Variants in CPE observed in about 807,000 individuals in gnomAD.
CPE encodes the protein carboxypeptidase E, also known as carbocypeptidase E.
Under a neutral mutation model 53.5 loss-of-function variants are expected in CPE, and 17 were observed. The observed-to-expected ratio is 0.32, with a 90% confidence interval of 0.22 to 0.48. The LOEUF (loss-of-function observed/expected upper bound fraction) is 0.48, where lower values mean the gene tolerates loss of function less well. Among genes scored for constraint, CPE ranks in the 20% least tolerant of loss-of-function variants. The pLI, the probability that CPE is intolerant of heterozygous loss-of-function variation, is 0.99. For missense variants in CPE, 524 were observed against 614.7 expected (o/e 0.85, Z 1.56); for synonymous variants, 226 against 228.8 (o/e 0.99, Z 0.11).
At chr4:165,451,207 G>T (rs574106724) in intron 1 of CPE, among the ~76,000 whole-genome samples, 40 of 152,304 alleles carry the variant, frequency 2.6e-4, no homozygotes, top group African/African-American at 8.4e-4. Flanking sequence ...CGATGTTATT[G>T]TCTATATTCC....
At chr4:165,475,145 A>G (rs1433115874) in intron 3 of CPE, among the ~76,000 whole-genome samples, 1 of 152,218 alleles carries the variant, frequency 6.6e-6, no homozygotes, top group Non-Finnish European at 1.5e-5. Flanking sequence ...AGAACTCACA[A>G]GTGGCAAAGG....
rs554021167 is a variant in CPE at position 165,379,040 on chromosome 4, C to A, written c.-182C>A. On this transcript the variant is annotated 5_prime_UTR_variant, in exon 1 of 9. Coordinates refer to ENST00000402744, the MANE Select transcript of CPE (RefSeq NM_001873.4). This position sits in a 1 kb window ranked among gnomAD's most constrained non-coding sequence, Gnocchi z 6.0. ...CAGCCCGTGGAGCCGCGGCTTTGCC[C>A]GTCTCCTCTGGGTGGCCCCAGTGCG... The A allele has an allele frequency of 2.2e-6, 1 of 459,104 alleles. No individual in the cohort carries two copies. Among genetic ancestry groups the A allele is most frequent in the Non-Finnish European group, 3.4e-6 (1 of 295,894 alleles). The allele number at this position is 459,104 out of a possible 1,614,324, so 28.4% of individuals were successfully genotyped here. A position where few individuals can be genotyped will look rare whatever the true frequency, so the allele number is the denominator to read the frequency against.
intron 1 of CPE, among the ~76,000 whole-genome samples, chr4:165,453,775 C>G (rs778291627): frequency 6.6e-6 from 1 of 152,160 alleles, no homozygotes; most frequent in Non-Finnish European, 1.5e-5. Flanking sequence ...CAAAGCAGCC[C>G]AGTCCTCCCA....
At chr4:165,447,952 T>G (rs1731746008) in intron 1 of CPE, among the ~76,000 whole-genome samples, 2 of 152,202 alleles carry the variant, frequency 1.3e-5, no homozygotes, top group South Asian at 4.1e-4. Flanking sequence ...TGCAGTCATA[T>G]GTGGGGTTAA....
intron 3 of CPE, among the ~76,000 whole-genome samples, chr4:165,479,291 G>C (rs1732359626): frequency 6.6e-6 from 1 of 152,080 alleles, no homozygotes; most frequent in Non-Finnish European, 1.5e-5. Flanking sequence ...AATATAATAA[G>C]AGTGTATTTC....
chr4:165,398,438 A>G (rs895744546), intron 1 of CPE, among the ~76,000 whole-genome samples: 4 of 152,190 alleles, frequency 2.6e-5, no homozygotes, highest in Non-Finnish European at 4.4e-5. Context: ...ATATATACAA[A>G]TGTGCATGTG....
At chr4:165,424,784 T>A (rs1303214451) in intron 1 of CPE, among the ~76,000 whole-genome samples, 1 of 152,148 alleles carries the variant, frequency 6.6e-6, no homozygotes, top group Non-Finnish European at 1.5e-5. Flanking sequence ...TCCACCTGCC[T>A]CGGCCTCCCA....
At chr4:165,445,163 CT>C (rs1731684385) in intron 1 of CPE, among the ~76,000 whole-genome samples, 1 of 152,148 alleles carries the variant, frequency 6.6e-6, no homozygotes, top group Non-Finnish European at 1.5e-5. Flanking sequence ...GCCCTGTTGG[CT>C]GGGCTGGTCT....
At chr4:165,392,628 A>G in intron 1 of CPE, among the ~76,000 whole-genome samples, 1 of 146,500 alleles carries the variant, frequency 6.8e-6, no homozygotes, top group East Asian at 2.0e-4. Context: ...TACTATTATA[A>G]TGATATTATA....
In CPE at chr4:165,437,275, C is replaced by T. The variant is rs115494068; in HGVS notation, c.308-27115C>T. 3.3e-3 allele frequency among the ~76,000 whole-genome samples: 499 copies of T among 152,266 alleles called. 3 individuals carry two copies. The highest frequency in any genetic ancestry group is 0.012 in the African/African-American group (480 of 41,544). On this transcript the variant is annotated intron_variant, in intron 1 of 8. Coordinates refer to ENST00000402744, the MANE Select transcript of CPE (RefSeq NM_001873.4). Reference sequence around the variant, plus strand: ...AGAGTGAAGAAGAAAATCATGATGCCGTGCCTCAACGCAGGAGAAATTAAT... The same window carrying T: ...AGAGTGAAGAAGAAAATCATGATGCTGTGCCTCAACGCAGGAGAAATTAAT...
At chr4:165,462,570 C>A (rs1418144835) in intron 1 of CPE, among the ~76,000 whole-genome samples, 1 of 152,118 alleles carries the variant, frequency 6.6e-6, no homozygotes, top group African/African-American at 2.4e-5. Flanking sequence ...TCCTGTGCCT[C>A]AATCAAATGA....
At chr4:165,467,492 C>A (rs28531383) in intron 2 of CPE, among the ~76,000 whole-genome samples, 196 bp from the exon 3 acceptor site, 4,825 of 152,194 alleles carry the variant, frequency 0.032, 244 homozygotes, top group African/African-American at 0.1. Flanking sequence ...TGTCATTATG[C>A]GGCCCATCAC....
chr4:165,417,920 T>C (rs1399579056), intron 1 of CPE, among the ~76,000 whole-genome samples: 1 of 152,192 alleles, frequency 6.6e-6, no homozygotes, highest in African/African-American at 2.4e-5. Flanking sequence ...TCTGACTTAC[T>C]TTTTTGTTTT....
rs921650957 is a variant in CPE at position 165,404,918 on chromosome 4, G to A, written c.307+25390G>A. On this transcript the variant is annotated intron_variant, in intron 1 of 8. Coordinates refer to ENST00000402744, the MANE Select transcript of CPE (RefSeq NM_001873.4). ...GCTGACAGCAGCGATTTCACTGACTGGGAGAGGAGATGTGTTACTAGCAAA... is the reference window on the plus strand; with the variant it reads ...GCTGACAGCAGCGATTTCACTGACTAGGAGAGGAGATGTGTTACTAGCAAA... The A allele has an allele frequency of 3.9e-6, 3 of 760,386 alleles. No individual in the cohort carries two copies. In the African/African-American group the frequency reaches 5.1e-5, roughly 13 times the overall value. The allele number at this position is 760,386 out of a possible 1,614,324, so 47.1% of individuals were successfully genotyped here.
chr4:165,493,564 T>G lies in CPE; in HGVS notation c.1213+294T>G, dbSNP rs149126639. 2.9e-3 allele frequency among the ~76,000 whole-genome samples: 444 copies of G among 152,306 alleles called. 5 individuals are homozygous for G. Among genetic ancestry groups the G allele is most frequent in the African/African-American group, 0.01 (416 of 41,578 alleles). ...ACAGGCTGCCGATTCTTCGCGGTTCTTCAGGCAAAGGAAAAGGAGCTGCTG... is the reference window on the plus strand; with the variant it reads ...ACAGGCTGCCGATTCTTCGCGGTTCGTCAGGCAAAGGAAAAGGAGCTGCTG... On this transcript the variant is annotated intron_variant, in intron 7 of 8. Transcript: ENST00000402744.
chr4:165,404,794 G>C, intron 1 of CPE: 2 of 773,250 alleles, frequency 2.6e-6, no homozygotes, highest in South Asian at 2.7e-5. Context: ...TTGAAGCACT[G>C]GTGTCTTTGG....
In CPE at chr4:165,487,522, C is replaced by G; in HGVS notation, c.1058C>G (p.Thr353Ser). 1 of 1,614,084 alleles carries G rather than the reference C, an allele frequency of 6.2e-7. No individual in the cohort carries two copies. The highest frequency in any genetic ancestry group is 8.5e-7 in the Non-Finnish European group (1 of 1,179,998). ...LSCEKFPPEE[T>S]LKTYWEDNKN... ...TGTGAGAAGTTCCCACCTGAAGAGA[C>G]TCTGAAGACCTACTGGGAGGATAAC... Residue 353 changes from threonine (T) to serine (S), a missense_variant, in exon 6 of 9, where the codon ACT becomes AGT. Transcript: ENST00000402744.
chr4:165,425,344 A>G (rs202130950), intron 1 of CPE, among the ~76,000 whole-genome samples: 1 of 151,850 alleles, frequency 6.6e-6, no homozygotes, highest in Non-Finnish European at 1.5e-5. Context: ...TGTTAAAAAA[A>G]ATTACTATTT....
chr4:165,391,543 G>C (rs1016203043), intron 1 of CPE, among the ~76,000 whole-genome samples: 4 of 152,136 alleles, frequency 2.6e-5, no homozygotes, highest in East Asian at 3.9e-4. Flanking sequence ...AAAAAACAAA[G>C]ACATTCATTC....
Sources: gnomAD v4.1 joint callset for allele counts (sites outside exome capture counted in the v4.1 genomes callset) on GRCh38, gnomAD v4.1.1 for gene constraint, Gnocchi (gnomAD v3.1) non-coding constraint, MANE v1.5 for transcripts, NCBI Gene and HGNC (gene_info 2026-07-23, HGNC 2026-07-21) for gene names.